The following HDAC9 variants were observed in gnomAD, a reference collection of about 807,000 sequenced individuals.
The protein encoded by HDAC9 is MEF-2 interacting transcription repressor (MITR) protein.
Under a neutral mutation model 139.4 loss-of-function variants are expected in HDAC9, and 41 were observed. The observed-to-expected ratio is 0.29, with a 90% CI of 0.23 to 0.38. The LOEUF is 0.38. Ranked by LOEUF, HDAC9 falls within the 10% of genes least tolerant of loss-of-function variation. The probability of loss-of-function intolerance (pLI) is 1.00; values close to 1 mark genes in which losing one functional copy is unlikely to be tolerated. For synonymous variants in HDAC9, 517 were observed against 476.2 expected (o/e 1.09, Z -1.12); for missense variants, 1,147 against 1,297.0 (o/e 0.88, Z 1.78).
intron 1 of HDAC9, among the ~76,000 whole-genome samples, chr7:18,319,012 G>T (rs925055172): frequency 6.6e-6 from 1 of 152,170 alleles, no homozygotes; most frequent in African/African-American, 2.4e-5. Flanking sequence ...ATTTCCGGGG[G>T]ATTCCTCTGT....
At chr7:18,344,981 G>A (rs193079340) in intron 1 of HDAC9, among the ~76,000 whole-genome samples, 182 of 151,956 alleles carry the variant, frequency 1.2e-3, no homozygotes, top group Non-Finnish European at 1.6e-3. Context: ...TTGCATAATC[G>A]GGATTTGGAT....
intron 11 of HDAC9, among the ~76,000 whole-genome samples, chr7:18,650,920 C>G (rs559302436): frequency 6.6e-5 from 10 of 152,124 alleles, no homozygotes; most frequent in Non-Finnish European, 1.3e-4. Context: ...TATGTTTCAT[C>G]AAGTTGGCAT....
intron 2 of HDAC9, among the ~76,000 whole-genome samples, chr7:18,522,749 A>G (rs1432498609): frequency 6.6e-6 from 1 of 152,198 alleles, no homozygotes; most frequent in African/African-American, 2.4e-5. Context: ...AGAAGGATTA[A>G]TAACATTCAG....
At chr7:18,916,015 C>G (rs6968894) in intron 22 of HDAC9, among the ~76,000 whole-genome samples, 6 of 98,252 alleles carry the variant, frequency 6.1e-5, no homozygotes, top group Admixed American at 4.0e-4. Context: ...CCTCTCACCC[C>G]CCGCTGGAAA....
At chr7:18,507,402 A>G (rs1800132313) in intron 2 of HDAC9, among the ~76,000 whole-genome samples, 1 of 151,248 alleles carries the variant, frequency 6.6e-6, no homozygotes, top group East Asian at 1.9e-4. Flanking sequence ...ACCATGTTAG[A>G]CAGGATGGTC....
chr7:18,691,446 TA>T, intron 12 of HDAC9, among the ~76,000 whole-genome samples: 1 of 152,140 alleles, frequency 6.6e-6, no homozygotes, highest in African/African-American at 2.4e-5. Flanking sequence ...GTAAGCAGTA[TA>T]AAACTAAATT....
intron 11 of HDAC9, among the ~76,000 whole-genome samples, chr7:18,655,240 A>G (rs1009314219): frequency 6.6e-6 from 1 of 152,150 alleles, no homozygotes; most frequent in African/African-American, 2.4e-5. Context: ...GCTTGTTTCC[A>G]TGCAGGGTCT....
chr7:18,228,460 A>G (rs1365296873), intron 2 of HDAC9, among the ~76,000 whole-genome samples: 1 of 152,140 alleles, frequency 6.6e-6, no homozygotes, highest in Non-Finnish European at 1.5e-5. Context: ...TCACTGTGAT[A>G]AAGGAAATCC....
At chr7:18,482,496 C>T (rs575582327) in intron 1 of HDAC9, among the ~76,000 whole-genome samples, 1 of 128,768 alleles carries the variant, frequency 7.8e-6, no homozygotes, top group East Asian at 2.4e-4. Flanking sequence ...GTATTTTTGT[C>T]TTGATCTCAG....
chr7:18,229,640 A>T (rs1359682561), intron 2 of HDAC9, among the ~76,000 whole-genome samples: 1 of 152,192 alleles, frequency 6.6e-6, no homozygotes, highest in Admixed American at 6.5e-5. Flanking sequence ...CTAGGTGTCC[A>T]TCCGTCAGGT....
At chr7:18,578,298 G>T (rs571739754) in intron 2 of HDAC9, 2 of 505,546 alleles carry the variant, frequency 4.0e-6, no homozygotes, top group Non-Finnish European at 7.9e-6. Context: ...CCTGCTATTC[G>T]TAACGACCCC....
chr7:18,285,975 A>G (rs1797424278), upstream of HDAC9, among the ~76,000 whole-genome samples: 1 of 152,114 alleles, frequency 6.6e-6, no homozygotes, highest in South Asian at 2.1e-4. Flanking sequence ...GGCAACTGGT[A>G]ATTTTGTTGT....
At chr7:18,338,200 A>G (rs1321907602) in intron 1 of HDAC9, among the ~76,000 whole-genome samples, 1 of 151,752 alleles carries the variant, frequency 6.6e-6, no homozygotes, top group Admixed American at 6.6e-5. Context: ...GGTAAGTTAT[A>G]TATAATCAAT....
intron 24 of HDAC9, among the ~76,000 whole-genome samples, chr7:18,955,283 A>C (rs555085689): frequency 2.0e-5 from 3 of 152,094 alleles, no homozygotes; most frequent in Admixed American, 6.6e-5. Context: ...AAATCCTGTC[A>C]TTGTCCTGTC....
At chr7:18,343,947 T>C (rs533320111) in intron 1 of HDAC9, among the ~76,000 whole-genome samples, 2 of 151,908 alleles carry the variant, frequency 1.3e-5, no homozygotes, top group Non-Finnish European at 2.9e-5. Context: ...AGAAATAGTT[T>C]AGTAAACCCT....
At chr7:18,267,729 C>G (rs1445738095) in intron 2 of HDAC9, among the ~76,000 whole-genome samples, 3 of 152,066 alleles carry the variant, frequency 2.0e-5, no homozygotes, top group Non-Finnish European at 2.9e-5. Context: ...CATACTTTGG[C>G]TGTTGTGAAT....
At chr7:18,723,553 G>C (rs530405398) in intron 12 of HDAC9, among the ~76,000 whole-genome samples, 5 of 152,224 alleles carry the variant, frequency 3.3e-5, no homozygotes, top group African/African-American at 1.2e-4. Flanking sequence ...TACTTATATT[G>C]CCATATTCCT....
At chr7:18,438,695 G>T (rs72494304) in intron 1 of HDAC9, among the ~76,000 whole-genome samples, 11,666 of 149,426 alleles carry the variant, frequency 0.078, 518 homozygotes, top group Middle Eastern at 0.21. Context: ...TAATGTGTCT[G>T]TGTGTGTGTG....
chr7:18,737,948 T>C lies in HDAC9; in HGVS notation c.1909+10191T>C, dbSNP rs913771129. Among the ~76,000 whole-genome samples, 227 of 152,346 alleles carry C rather than the reference T, an allele frequency of 1.5e-3. 1 individual carries two copies. Among genetic ancestry groups the C allele is most frequent in the Non-Finnish European group, 2.0e-3 (135 of 68,026 alleles). ...CTGTATGAATCTGGGTGCTCCTGCATTGGGTGCATATATCTTTAGGATAGT... is the reference window on the plus strand; with the variant it reads ...CTGTATGAATCTGGGTGCTCCTGCACTGGGTGCATATATCTTTAGGATAGT... On this transcript the variant is annotated intron_variant, in intron 13 of 25. Transcript: ENST00000686413.
Sources: gnomAD v4.1 joint callset for allele counts (sites outside exome capture counted in the v4.1 genomes callset) on GRCh38, gnomAD v4.1.1 for gene constraint, MANE v1.5 for transcripts, NCBI Gene and HGNC (gene_info 2026-07-23, HGNC 2026-07-21) for gene names.